Variants in ARHGAP39 observed in about 807,000 individuals in gnomAD.
The protein encoded by ARHGAP39 is Rho GTPase activating protein 39, also known as rho GTPase-activating protein 39.
Under a neutral mutation model 106.9 loss-of-function variants are expected in ARHGAP39, and 44 were observed. That is an observed-to-expected ratio of 0.41 (90% confidence interval 0.32 to 0.53). The LOEUF is 0.53. Among genes scored for constraint, ARHGAP39 ranks in the 20% least tolerant of loss-of-function variants. The pLI, the probability that ARHGAP39 is intolerant of heterozygous loss-of-function variation, is 0.21. For synonymous variants in ARHGAP39, 768 were observed against 693.2 expected, an observed-to-expected ratio of 1.11 and a Z score of -1.69; for missense variants, 1,496 against 1,577.3, an observed-to-expected ratio of 0.95 and a Z score of 0.87.
At chr8:144,695,415 C>T in the ARHGAP39 span, among the ~76,000 whole-genome samples, 3 of 147,442 alleles carry the variant, frequency 2.0e-5, no homozygotes, top group Non-Finnish European at 3.0e-5. Flanking sequence ...ATTTGATCCT[C>T]ACCACGACCC....
the ARHGAP39 span, among the ~76,000 whole-genome samples, chr8:144,695,605 G>A: frequency 2.0e-5 from 3 of 152,284 alleles, no homozygotes; most frequent in Non-Finnish European, 4.4e-5. Flanking sequence ...GACGGCTAGC[G>A]CTCAAAGTTC....
Position 144,590,742 on chromosome 8 carries a change from A to T in ARHGAP39, c.81-9465T>A, listed in dbSNP as rs530154115. Reference sequence around the variant, plus strand: ...GAAGGGGTCTTTGTCAGCTCCAGAGACACCCCTACCCCCCCACAACCCAAC... The same window carrying T: ...GAAGGGGTCTTTGTCAGCTCCAGAGTCACCCCTACCCCCCCACAACCCAAC... On this transcript the variant is annotated intron_variant, in intron 2 of 11. Transcript: ENST00000377307. 2.2e-4 allele frequency among the ~76,000 whole-genome samples: 33 copies of T among 151,450 alleles called. No homozygotes were observed. The East Asian group carries it at 5.4e-3, about 25-fold the overall frequency.
upstream of ARHGAP39, among the ~76,000 whole-genome samples, chr8:144,687,620 C>T (rs1240333964): frequency 2.0e-5 from 2 of 99,356 alleles, no homozygotes; most frequent in Non-Finnish European, 4.1e-5. Flanking sequence ...CTTCCCACCC[C>T]GTGACCACAC....
intron 1 of ARHGAP39, 189 bp from the exon 2 acceptor site, chr8:144,605,884 C>G: frequency 4.0e-6 from 2 of 504,004 alleles, no homozygotes; most frequent in South Asian, 2.2e-5. Context: ...TGCAGCGAAG[C>G]CTGGCCAGCC....
In ARHGAP39 at chr8:144,581,177, T is replaced by A; in HGVS notation, c.181A>T (p.Ile61Phe). 2 of 1,566,774 alleles carry A rather than the reference T, an allele frequency of 1.3e-6. No individual in the cohort carries two copies. The highest frequency in any genetic ancestry group is 2.3e-5 in the South Asian group (2 of 85,294). ...CVWDPPAGVR[I>F]KRTSENQWWE... ...CACTGGTTCTCGCTGGTGCGCTTGA[T>A]GCGGACGCCGGCCGGCGGGTCCCAC... Residue 61 changes from isoleucine to phenylalanine, a missense_variant, in exon 3 of 12, where the codon ATC becomes TTC. Physicochemically the swap from Ile to Phe is conservative, Grantham distance 21. Coordinates refer to ENST00000377307, the MANE Select transcript of ARHGAP39 (RefSeq NM_025251.3).
At position 144,603,037 on chromosome 8, in the gene ARHGAP39, G is replaced by A. The variant is rs181158974; in HGVS notation, c.80+2498C>T. Among the ~76,000 whole-genome samples the A allele has an allele frequency of 1.6e-4, 22 of 139,598 alleles. No homozygotes were observed. The East Asian group carries it at 2.9e-3, about 18-fold the overall frequency. The allele number at this position is 139,598 out of a possible 152,430, so 91.6% of individuals were successfully genotyped here. A position where few individuals can be genotyped will look rare whatever the true frequency, so the allele number is the denominator to read the frequency against. On this transcript the variant is annotated intron_variant, in intron 2 of 11. Transcript: ENST00000377307. ...CGAGCTCATGTATCTGTGTGCGTGC[G>A]TGGAGGCGTGTGTGTGAGCTCGTGT...
At position 144,619,242 on chromosome 8, in the gene ARHGAP39, G is replaced by A. The variant is rs917156031; in HGVS notation, c.-81-13547C>T. Among the ~76,000 whole-genome samples, 11 of 152,358 alleles carry A rather than the reference G, an allele frequency of 7.2e-5. 1 individual carries two copies. The South Asian group carries it at 8.3e-4, about 11-fold the overall frequency. On this transcript the variant is annotated intron_variant, in intron 1 of 11. Coordinates refer to ENST00000377307, the MANE Select transcript of ARHGAP39 (RefSeq NM_025251.3). ...GACAGGGTCTGCTGGGAAAGCAAGCGCGGAAACAGCATCTGCCTGGGCTGG... is the reference window on the plus strand; with the variant it reads ...GACAGGGTCTGCTGGGAAAGCAAGCACGGAAACAGCATCTGCCTGGGCTGG...
At chr8:144,538,562 T>TA (rs1817057754) in intron 6 of ARHGAP39, among the ~76,000 whole-genome samples, 2 of 152,330 alleles carry the variant, frequency 1.3e-5, no homozygotes, top group African/African-American at 4.8e-5. Context: ...AGTATGGACT[T>TA]AGTTTTTTCT....
intron 6 of ARHGAP39, among the ~76,000 whole-genome samples, chr8:144,539,009 G>A (rs758697103): frequency 4.0e-5 from 6 of 151,760 alleles, no homozygotes; most frequent in Non-Finnish European, 8.8e-5. Flanking sequence ...CCCCACCTCC[G>A]GCACTTCCTC....
chr8:144,653,233 G>A (rs1821616827), intron 1 of ARHGAP39, among the ~76,000 whole-genome samples: 2 of 152,156 alleles, frequency 1.3e-5, no homozygotes, highest in African/African-American at 4.8e-5. Flanking sequence ...CCCGGGAAGT[G>A]GAGGTTGCAG....
At chr8:144,589,252 C>T (rs1260549424) in intron 2 of ARHGAP39, among the ~76,000 whole-genome samples, 1 of 152,202 alleles carries the variant, frequency 6.6e-6, no homozygotes, top group African/African-American at 2.4e-5. Flanking sequence ...TAAGTAGTCT[C>T]CATATTTTAA....
In ARHGAP39 at chr8:144,548,199, G is replaced by C; in HGVS notation, c.887C>G (p.Ser296Cys). 1 of 1,592,128 alleles carries C rather than the reference G, an allele frequency of 6.3e-7. No individual in the cohort carries two copies. The highest frequency in any genetic ancestry group is 8.6e-7 in the Non-Finnish European group (1 of 1,168,268). ...SPLLAQPRKPSGDSQPSSPRY... is the reference protein window; with the variant it reads ...SPLLAQPRKPCGDSQPSSPRY... ...CGGGGAGGAGGGCTGCGAGTCCCCG[G>C]AGGGCTTTCGGGGCTGGGCCAGCAG... is the stretch of plus-strand genomic sequence containing the variant. The change falls in exon 5 of 12, where the codon TCC becomes TGC. Residue 296 changes from serine (S) to cysteine (C), a missense_variant. By Grantham distance (112) the Ser-to-Cys change is moderately radical (BLOSUM62 -1). Coordinates refer to ENST00000377307, the MANE Select transcript of ARHGAP39 (RefSeq NM_025251.3). The surrounding 1 kb of genome is among the most constrained non-coding windows in gnomAD (Gnocchi z 7.4).
intron 1 of ARHGAP39, among the ~76,000 whole-genome samples, chr8:144,614,673 G>A (rs1820589132): frequency 6.6e-6 from 1 of 152,162 alleles, no homozygotes. Context: ...CTTGAGCTTT[G>A]TTTTGGATCC....
intron 3 of ARHGAP39, among the ~76,000 whole-genome samples, chr8:144,579,608 C>G (rs953078487): frequency 3.3e-4 from 51 of 152,268 alleles, no homozygotes; most frequent in African/African-American, 1.2e-3. Context: ...CCTGCCAGAC[C>G]GGGTCCACGG....
intron 3 of ARHGAP39, 24 bp downstream of exon 3, chr8:144,580,822 C>T (rs776042686): frequency 2.6e-6 from 4 of 1,516,094 alleles, no homozygotes; most frequent in Non-Finnish European, 3.5e-6. Context: ...TGGCCCCGCC[C>T]ATAGCAGCTG....
rs139590988 is a variant in ARHGAP39 at position 144,677,246 on chromosome 8, C to T, written c.-82+8440G>A. ...GTGAACACTCATGGACAAGCTTCTG[C>T]GTGGACGTGTATATTTCCAGTCACT... On this transcript the variant is annotated intron_variant, in intron 1 of 11. Transcript: ENST00000377307. Among the ~76,000 whole-genome samples the T allele has an allele frequency of 3.0e-3, 456 of 152,322 alleles. 5 individuals are homozygous for T. The highest frequency in any genetic ancestry group is 0.01 in the African/African-American group (416 of 41,574).
chr8:144,561,692 G>C (rs1818170582), intron 3 of ARHGAP39, among the ~76,000 whole-genome samples: 1 of 150,740 alleles, frequency 6.6e-6, no homozygotes, highest in South Asian at 2.1e-4. Flanking sequence ...TCGCGCTCCA[G>C]TGGTTTCCAT....
At chr8:144,559,742 T>A (rs1818075745) in intron 3 of ARHGAP39, among the ~76,000 whole-genome samples, 1 of 152,240 alleles carries the variant, frequency 6.6e-6, no homozygotes, top group Non-Finnish European at 1.5e-5. Flanking sequence ...TACATATACA[T>A]ATACATAATG....
rs2109 is a variant in ARHGAP39, at chr8:144,640,842, G to A, written c.-81-35147C>T. 2.0e-3 allele frequency among the ~76,000 whole-genome samples: 302 copies of A among 152,122 alleles called. 1 individual carries two copies. The highest frequency in any genetic ancestry group is 6.3e-3 in the African/African-American group (262 of 41,476). On this transcript the variant is annotated intron_variant, in intron 1 of 11. Transcript: ENST00000377307. ...AATAGCCATTAGGTATTAGATAAGC[G>A]TCCCACGAAACATTGTTGAAAACGA...
Sources: allele counts gnomAD v4.1 joint callset (sites outside exome capture counted in the v4.1 genomes callset), GRCh38; gene constraint gnomAD v4.1.1; non-coding constraint Gnocchi (gnomAD v3.1); transcripts MANE v1.5; gene names NCBI Gene and HGNC (gene_info 2026-07-23, HGNC 2026-07-21).